HSD11B1: variants seen among roughly 807,000 people sequenced by gnomAD.
HSD11B1 encodes the protein 11-beta-hydroxysteroid dehydrogenase 1.
A neutral mutation model predicts 22.1 loss-of-function variants in HSD11B1; 15 were observed. That is an observed-to-expected ratio of 0.68 (90% confidence interval 0.45 to 1.04). HSD11B1 has a LOEUF of 1.04. Ranked by LOEUF, HSD11B1 falls within the 50% of genes least tolerant of loss-of-function variation. The probability of loss-of-function intolerance (pLI) is 0.00; values close to 1 mark genes in which losing one functional copy is unlikely to be tolerated. For synonymous variants in HSD11B1, 122 were observed against 125.2 expected, an observed-to-expected ratio of 0.97 and a Z score of 0.17; for missense variants, 281 against 357.6, an observed-to-expected ratio of 0.79 and a Z score of 1.73.
intron 5 of HSD11B1, among the ~76,000 whole-genome samples, chr1:209,732,917 T>C (rs1571889823): frequency 6.6e-6 from 1 of 152,074 alleles, no homozygotes; most frequent in African/African-American, 2.4e-5. Context: ...TAAACAAGGG[T>C]GCTGAACTCC....
intron 4 of HSD11B1, among the ~76,000 whole-genome samples, chr1:209,714,735 C>T (rs1378596822): frequency 1.3e-5 from 2 of 152,158 alleles, no homozygotes; most frequent in Non-Finnish European, 2.9e-5. Context: ...AAAAGCCACT[C>T]ATAGAGGCCA....
rs568756345 is a variant in HSD11B1, at chr1:209,698,148, G to A, written c.-48-6747G>A. Reference sequence around the variant, plus strand: ...AGGTAGACAGCTTAGATAGAGGATAGGTAGATAAGATAGATAGATTAGATA... The same window carrying A: ...AGGTAGACAGCTTAGATAGAGGATAAGTAGATAAGATAGATAGATTAGATA... On this transcript the variant is annotated intron_variant, in intron 1 of 6. Transcript: ENST00000261465. 6.0e-5 allele frequency among the ~76,000 whole-genome samples: 9 copies of A among 149,976 alleles called. No individual in the cohort carries two copies. In the East Asian group the frequency reaches 1.8e-3, roughly 30 times the overall value.
chr1:209,708,372 T>G (rs978582306), intron 4 of HSD11B1, among the ~76,000 whole-genome samples: 1 of 152,234 alleles, frequency 6.6e-6, no homozygotes, highest in Non-Finnish European at 1.5e-5. Context: ...AATAGCACCA[T>G]CTGTATCGTA....
At chr1:209,709,466 A>G (rs1309300288) in intron 4 of HSD11B1, among the ~76,000 whole-genome samples, 1 of 152,164 alleles carries the variant, frequency 6.6e-6, no homozygotes. Context: ...ACCACTTGCT[A>G]GTTAGGATGT....
At chr1:209,731,909 G>A (rs1330620087) in intron 4 of HSD11B1, among the ~76,000 whole-genome samples, 2 of 152,198 alleles carry the variant, frequency 1.3e-5, no homozygotes, top group African/African-American at 4.8e-5. Context: ...GTTTCATCAT[G>A]TTAGTCAGGC....
chr1:209,692,622 G>GGGGGGGGT, intron 1 of HSD11B1, among the ~76,000 whole-genome samples: 1 of 110,484 alleles, frequency 9.1e-6, no homozygotes, highest in South Asian at 3.5e-4. Context: ...GGGGGGGTGG[G>GGGGGGGGT]GGCTCGGTTC....
chr1:209,702,854 GTTTC>G (rs1298015696), upstream of HSD11B1, among the ~76,000 whole-genome samples: 7 of 152,150 alleles, frequency 4.6e-5, no homozygotes, highest in Admixed American at 1.3e-4. Context: ...CAGTGTCCTT[GTTTC>G]TCATCAATGC....
chr1:209,704,884 A>G lies in HSD11B1; in HGVS notation c.-59A>G. 7.5e-7 allele frequency: 1 copy of G among 1,330,974 alleles called. No homozygotes were observed. The highest frequency in any genetic ancestry group is 1.1e-6 in the Non-Finnish European group (1 of 923,186). The allele number at this position is 1,330,974 out of a possible 1,614,324, so 82.4% of individuals were successfully genotyped here. On this transcript the variant is annotated 5_prime_UTR_variant, in exon 1 of 6. Coordinates refer to ENST00000367027, the MANE Select transcript of HSD11B1 (RefSeq NM_005525.4). ...TGCTGCCTGCTTAGGAGGTTGTAGA[A>G]AGCTCTGTAGGTTCTCTCTGTGTGT... is the stretch of plus-strand genomic sequence containing the variant.
chr1:209,707,711 T>C (rs2076869115), intron 4 of HSD11B1, among the ~76,000 whole-genome samples: 1 of 151,852 alleles, frequency 6.6e-6, no homozygotes, highest in Non-Finnish European at 1.5e-5. Context: ...CAAAGGAAGG[T>C]TGAAGGGACT....
At position 209,697,884 on chromosome 1, in the gene HSD11B1, C is replaced by CTTT. The variant is rs988076432; in HGVS notation, c.-48-6983_-48-6981dup. 5.8e-3 allele frequency among the ~76,000 whole-genome samples: 240 copies of CTTT among 41,574 alleles called. 42 individuals carry two copies. Among genetic ancestry groups the CTTT allele is most frequent in the East Asian group, 0.012 (17 of 1,424 alleles). The allele number at this position is 41,574 out of a possible 152,430, so 27.3% of individuals were successfully genotyped here. On this transcript the variant is annotated intron_variant, in intron 1 of 6. Transcript: ENST00000261465. ...GAATGATTAATGGTTTTGTTTTTTCCTTTTTTTTTTTTTTTTTTTTTTTTT... is the reference window on the plus strand; with the variant it reads ...GAATGATTAATGGTTTTGTTTTTTCCTTTTTTTTTTTTTTTTTTTTTTTTTTTT...
At chr1:209,732,295 G>A in intron 4 of HSD11B1, 141 bp from the exon 5 acceptor site, 1 of 903,204 alleles carries the variant, frequency 1.1e-6, no homozygotes, top group Non-Finnish European at 1.8e-6. Context: ...CAACACAGCA[G>A]TATAACTTCC....
intron 4 of HSD11B1, among the ~76,000 whole-genome samples, chr1:209,730,173 A>C (rs1374012517): frequency 1.3e-5 from 2 of 152,238 alleles, no homozygotes; most frequent in East Asian, 3.8e-4. Context: ...CCAGTTGAAA[A>C]GAAAGAAGTC....
At chr1:209,717,728 T>C (rs952527680) in intron 4 of HSD11B1, among the ~76,000 whole-genome samples, 1 of 151,952 alleles carries the variant, frequency 6.6e-6, no homozygotes, top group African/African-American at 2.4e-5. Context: ...TGGTGGCCTA[T>C]GCCTGTAATC....
chr1:209,706,790 C>A lies in HSD11B1; in HGVS notation c.301C>A (p.Gln101Lys), dbSNP rs777840125. 21 of 1,613,968 alleles carry A rather than the reference C, an allele frequency of 1.3e-5. No individual in the cohort carries two copies. The African/African-American group carries it at 2.8e-4, about 22-fold the overall frequency. Reference sequence around the variant, plus strand: ...CATGGAAGACATGACCTTCGCAGAGCAATTTGTTGCCCAAGCAGGAAAGCT... The same window carrying A: ...CATGGAAGACATGACCTTCGCAGAGAAATTTGTTGCCCAAGCAGGAAAGCT... ...GTMEDMTFAE[Q>K]FVAQAGKLMG... Residue 101 changes from glutamine (Q) to lysine (K), a missense_variant, in exon 3 of 6, where the codon CAA (glutamine) becomes AAA (lysine). Physicochemically the swap from Gln to Lys is moderately conservative, Grantham distance 53. Transcript: ENST00000367027. The surrounding 1 kb of genome is among the most constrained non-coding windows in gnomAD (Gnocchi z 4.0).
chr1:209,705,183 A>G (rs568760690), intron 1 of HSD11B1, among the ~76,000 whole-genome samples, 153 bp downstream of exon 1: 3 of 152,288 alleles, frequency 2.0e-5, no homozygotes, highest in African/African-American at 2.4e-5. Context: ...TCCTCCAGCT[A>G]CAGGCTGTGG....
At chr1:209,718,659 C>A (rs921579829) in intron 4 of HSD11B1, among the ~76,000 whole-genome samples, 3 of 152,120 alleles carry the variant, frequency 2.0e-5, no homozygotes, top group African/African-American at 7.2e-5. Context: ...CTATGAAAAA[C>A]AGTATGGCAG....
Position 209,706,813 on chromosome 1 carries a change from G to A in HSD11B1, c.324G>A (p.Lys108=), listed in dbSNP as rs142849016. The stretch of plus-strand genomic sequence containing the variant: ...AGCAATTTGTTGCCCAAGCAGGAAA[G>A]CTCATGGGTGAGGCTGTTTCTCTTA... ...FAEQFVAQAG[K]LMGGLDMLIL... Residue 108 remains lysine, a synonymous_variant, in exon 3 of 6, where the codon AAG becomes AAA. Coordinates refer to ENST00000367027, the MANE Select transcript of HSD11B1 (RefSeq NM_005525.4). This position sits in a 1 kb window ranked among gnomAD's most constrained non-coding sequence, Gnocchi z 4.0. The A allele has an allele frequency of 2.4e-5, 39 of 1,613,866 alleles. No homozygotes were observed. Among genetic ancestry groups the A allele is most frequent in the Non-Finnish European group, 3.1e-5 (36 of 1,179,750 alleles).
chr1:209,703,952 C>T (rs920090116), upstream of HSD11B1, among the ~76,000 whole-genome samples: 4 of 151,984 alleles, frequency 2.6e-5, no homozygotes, highest in Non-Finnish European at 5.9e-5. Context: ...TTTATATTTC[C>T]CTGATAATAA....
At chr1:209,725,161 G>A (rs980694119) in intron 4 of HSD11B1, among the ~76,000 whole-genome samples, 1 of 152,068 alleles carries the variant, frequency 6.6e-6, no homozygotes, top group Non-Finnish European at 1.5e-5. Flanking sequence ...CTGGAGATGC[G>A]ATGTAATACC....
Sources: allele counts gnomAD v4.1 joint callset (sites outside exome capture counted in the v4.1 genomes callset), GRCh38; gene constraint gnomAD v4.1.1; non-coding constraint Gnocchi (gnomAD v3.1); transcripts MANE v1.5; gene names NCBI Gene and HGNC (gene_info 2026-07-23, HGNC 2026-07-21).